MCC: variants seen among roughly 807,000 people sequenced by gnomAD.
The protein encoded by MCC is MCC regulator of Wnt signaling pathway.
MCC carries 90 observed loss-of-function variants against 116.2 expected under a neutral mutation model. The observed-to-expected ratio is 0.77, with a 90% CI of 0.65 to 0.92. MCC has a LOEUF of 0.92. MCC is among the 40% of genes least tolerant of loss of function. The pLI, the probability that MCC is intolerant of heterozygous loss-of-function variation, is 0.00. For synonymous variants in MCC, 578 were observed against 510.5 expected (o/e 1.13, Z -1.78); for missense variants, 1,516 against 1,312.2 (o/e 1.16, Z -2.40).
intron 3 of MCC, among the ~76,000 whole-genome samples, chr5:113,175,904 A>T (rs540845608): frequency 3.9e-5 from 6 of 152,124 alleles, no homozygotes; most frequent in African/African-American, 1.4e-4. Context: ...AAAAAAAAAA[A>T]GTTTGAAAAC....
At chr5:113,470,810 G>A (rs1435972004) in intron 1 of MCC, among the ~76,000 whole-genome samples, 1 of 151,734 alleles carries the variant, frequency 6.6e-6, no homozygotes, top group African/African-American at 2.4e-5. Flanking sequence ...GTCACTTTCA[G>A]GTATACCAAT....
intron 3 of MCC, among the ~76,000 whole-genome samples, chr5:113,334,603 T>G (rs958935173): frequency 1.3e-5 from 2 of 148,494 alleles, no homozygotes; most frequent in Admixed American, 6.7e-5. Flanking sequence ...TTTTTTTTTT[T>G]TTTTTGAGAT....
At chr5:113,104,102 G>C in intron 7 of MCC, 90 bp downstream of exon 7, 1 of 1,267,118 alleles carries the variant, frequency 7.9e-7, no homozygotes, top group South Asian at 1.5e-5. Flanking sequence ...TCCCTAGTAA[G>C]TATTTAAGAA....
rs1750254643 is a variant in MCC, at chr5:113,022,982, G to A, written c.*4320C>T. The A allele has an allele frequency of 6.6e-6, 1 of 152,180 alleles. No homozygotes were observed. Among genetic ancestry groups the A allele is most frequent in the African/African-American group, 2.4e-5 (1 of 41,438 alleles). The allele number at this position is 152,180 out of a possible 1,614,324, so 9.4% of individuals were successfully genotyped here. A position where few individuals can be genotyped will look rare whatever the true frequency, so the allele number is the denominator to read the frequency against. ...TGTATGGTGATCTGCATGTGAAACT[G>A]TCTTTCTCTACACAGGTATTAGCAA... On this transcript the variant is annotated 3_prime_UTR_variant, in exon 19 of 19. Transcript: ENST00000408903.
At chr5:113,338,041 A>G (rs1382467855) in intron 3 of MCC, among the ~76,000 whole-genome samples, 2 of 152,240 alleles carry the variant, frequency 1.3e-5, no homozygotes, top group Admixed American at 1.3e-4. Flanking sequence ...GACACAGGAC[A>G]GGATGAAGAA....
At chr5:113,273,042 A>G (rs1765674234) in intron 3 of MCC, among the ~76,000 whole-genome samples, 1 of 152,252 alleles carries the variant, frequency 6.6e-6, no homozygotes, top group South Asian at 2.1e-4. Context: ...CTATTTCACT[A>G]TTGTGAAAAC....
chr5:113,041,739 A>C (rs1751717673), intron 17 of MCC, among the ~76,000 whole-genome samples: 1 of 152,228 alleles, frequency 6.6e-6, no homozygotes, highest in Admixed American at 6.5e-5. Flanking sequence ...TCATGCCTGT[A>C]ATCAGAGCAC....
At chr5:113,076,905 G>C (rs1191103544) in intron 11 of MCC, among the ~76,000 whole-genome samples, 2 of 152,192 alleles carry the variant, frequency 1.3e-5, no homozygotes, top group African/African-American at 2.4e-5. Flanking sequence ...CTGTATTCAA[G>C]AAACCCATCT....
chr5:113,308,503 C>G (rs1477392270), intron 3 of MCC, among the ~76,000 whole-genome samples: 1 of 152,180 alleles, frequency 6.6e-6, no homozygotes, highest in Admixed American at 6.5e-5. Flanking sequence ...AACCTCCAGA[C>G]CTTTCCACAG....
intron 2 of MCC, among the ~76,000 whole-genome samples, chr5:113,376,512 T>C (rs1768982207): frequency 6.6e-6 from 1 of 151,596 alleles, no homozygotes; most frequent in Non-Finnish European, 1.5e-5. Context: ...ACCAATTCAG[T>C]TAGAAACTTA....
At chr5:113,205,234 C>G (rs1361958142) in intron 3 of MCC, among the ~76,000 whole-genome samples, 1 of 152,216 alleles carries the variant, frequency 6.6e-6, no homozygotes, top group Non-Finnish European at 1.5e-5. Context: ...AGAGCAGGAT[C>G]TAAGAATCAG....
rs974603611 is a variant in MCC at position 113,024,405 on chromosome 5, T to C, written c.*2897A>G. On this transcript the variant is annotated 3_prime_UTR_variant, in exon 19 of 19. Transcript: ENST00000408903. Reference sequence around the variant, plus strand: ...CTCGCAACTACGGACAGAAGTCTCTTTTGCTTGTGATTTGCACAGTTGGTT... The same window carrying C: ...CTCGCAACTACGGACAGAAGTCTCTCTTGCTTGTGATTTGCACAGTTGGTT... The C allele has an allele frequency of 4.6e-5, 7 of 152,310 alleles. No homozygotes were observed. Among genetic ancestry groups the C allele is most frequent in the East Asian group, 3.9e-4 (2 of 5,182 alleles). 9.4% of individuals were successfully genotyped at this position (152,310 alleles called of 1,614,324 possible).
In MCC at chr5:113,317,911, T is replaced by G. The variant is rs182100429; in HGVS notation, c.627+22608A>C. 2.1e-3 allele frequency among the ~76,000 whole-genome samples: 315 copies of G among 152,348 alleles called. 3 individuals are homozygous for G. Among genetic ancestry groups the G allele is most frequent in the African/African-American group, 7.1e-3 (296 of 41,590 alleles). On this transcript the variant is annotated intron_variant, in intron 3 of 18. Transcript: ENST00000408903. The stretch of plus-strand genomic sequence containing the variant: ...GATCAGGATATAATTACAGCCGTCA[T>G]AATTACAGTCTTACAGATTTAAGAT...
chr5:113,123,896 C>T (rs1352586852), intron 5 of MCC, among the ~76,000 whole-genome samples: 1 of 152,174 alleles, frequency 6.6e-6, no homozygotes, highest in Admixed American at 6.5e-5. Context: ...AAGTTGTCAA[C>T]AACCAGAGGA....
intron 2 of MCC, among the ~76,000 whole-genome samples, chr5:113,372,506 A>AAT (rs1768859066): frequency 6.6e-6 from 1 of 152,298 alleles, no homozygotes; most frequent in East Asian, 1.9e-4. Flanking sequence ...AAGTTTAAAA[A>AAT]ATATATATAT....
intron 3 of MCC, among the ~76,000 whole-genome samples, chr5:113,283,328 A>G (rs762519415): frequency 3.4e-4 from 52 of 152,332 alleles, no homozygotes; most frequent in African/African-American, 9.6e-4. Context: ...CTCAACATCA[A>G]CAAAAGCCAA....
chr5:113,195,222 C>T (rs1561447361), intron 3 of MCC, among the ~76,000 whole-genome samples: 1 of 152,238 alleles, frequency 6.6e-6, no homozygotes, highest in Non-Finnish European at 1.5e-5. Flanking sequence ...GCAACAGCAG[C>T]ATTCTCAACA....
intron 6 of MCC, among the ~76,000 whole-genome samples, chr5:113,108,862 A>C (rs1027024007): frequency 6.6e-6 from 1 of 152,300 alleles, no homozygotes. Context: ...CACAAACTCC[A>C]GTTTGTGCTG....
Position 113,143,201 on chromosome 5 carries a change from C to T in MCC, c.884+17G>A, listed in dbSNP as rs753696320. ...TTAGCAGAAGGGGCAGAGTAAAAGC[C>T]GAATGGAGCCGCGTACCTGATGGTG... On this transcript the variant is annotated intron_variant, in intron 5 of 18. Coordinates refer to ENST00000408903, the MANE Select transcript of MCC (RefSeq NM_001085377.2). The T allele has an allele frequency of 6.3e-6, 10 of 1,580,052 alleles. No individual in the cohort carries two copies. Among genetic ancestry groups the T allele is most frequent in the African/African-American group, 2.7e-5 (2 of 73,398 alleles).
Sources: allele counts gnomAD v4.1 joint callset (sites outside exome capture counted in the v4.1 genomes callset), GRCh38; gene constraint gnomAD v4.1.1; transcripts MANE v1.5; gene names NCBI Gene and HGNC (gene_info 2026-07-23, HGNC 2026-07-21).